Variants in IQCH observed in about 807,000 individuals in gnomAD.
IQCH encodes the protein IQ domain-containing protein H.
In IQCH, 98 loss-of-function variants were observed where a neutral mutation model predicts 117.0. The ratio of observed to expected loss-of-function variants is 0.84; its 90% CI spans 0.71 to 0.99. The LOEUF (loss-of-function observed/expected upper bound fraction) is 0.99. Among genes scored for constraint, IQCH ranks in the 50% least tolerant of loss-of-function variants. The pLI is 0.00. For missense variants in IQCH, 1,102 were observed against 1,243.8 expected, an observed-to-expected ratio of 0.89 and a Z score of 1.72; for synonymous variants, 412 against 448.2, an observed-to-expected ratio of 0.92 and a Z score of 1.02.
chr15:67,463,826 G>T lies in IQCH; in HGVS notation c.2506-1301G>T, dbSNP rs1236778673. ...TGTTTAATTGGATATGTATGTATCT[G>T]TCTTCACCTTCTTATTTTTATTTTT... On this transcript the variant is annotated intron_variant, in intron 16 of 20. Transcript: ENST00000335894. The surrounding 1 kb of genome is among the most constrained non-coding windows in gnomAD (Gnocchi z 4.0). Among the ~76,000 whole-genome samples the T allele has an allele frequency of 6.6e-6, 1 of 151,998 alleles. No individual in the cohort carries two copies. The highest frequency in any genetic ancestry group is 1.9e-4 in the East Asian group (1 of 5,204).
chr15:67,479,213 T>C lies in IQCH; in HGVS notation c.2799+3395T>C, dbSNP rs2083285282. On this transcript the variant is annotated intron_variant, in intron 18 of 20. Coordinates refer to ENST00000335894, the MANE Select transcript of IQCH (RefSeq NM_001031715.3). This position sits in a 1 kb window ranked among gnomAD's most constrained non-coding sequence, Gnocchi z 4.6. The stretch of plus-strand genomic sequence containing the variant: ...CTGAGCACTTTACTTCATTATCTCA[T>C]TTATTCTTCATGCCTGTCCTATAAG... Among the ~76,000 whole-genome samples the C allele has an allele frequency of 6.6e-6, 1 of 152,194 alleles. No individual in the cohort carries two copies.
intron 8 of IQCH, among the ~76,000 whole-genome samples, chr15:67,361,576 T>C (rs1970134522): frequency 6.6e-6 from 1 of 152,246 alleles, no homozygotes; most frequent in Non-Finnish European, 1.5e-5. Flanking sequence ...CTTTTCTCTA[T>C]TCAATATCAT....
chr15:67,305,852 G>A (rs1216774236), intron 4 of IQCH, among the ~76,000 whole-genome samples: 2 of 152,096 alleles, frequency 1.3e-5, no homozygotes, highest in East Asian at 3.9e-4. Context: ...CAGATTCTTA[G>A]TCATTAATTG....
chr15:67,367,407 CAT>C (rs918046969), intron 8 of IQCH, among the ~76,000 whole-genome samples: 39 of 152,168 alleles, frequency 2.6e-4, no homozygotes, highest in African/African-American at 8.7e-4. Flanking sequence ...GGCGTCATGA[CAT>C]GTGCCAGTAG....
In IQCH at chr15:67,279,377, C is replaced by G; in HGVS notation, c.270-18C>G. 7.6e-7 allele frequency: 1 copy of G among 1,310,630 alleles called. No homozygotes were observed. The highest frequency in any genetic ancestry group is 1.1e-6 in the Non-Finnish European group (1 of 916,642). 81.2% of individuals were successfully genotyped at this position (1,310,630 alleles called of 1,614,324 possible). ...AAAATAGCAAATTTGATTTTAAATT[C>G]CATTTCTTCTTACTTAGGTTACTTC... On this transcript the variant is annotated intron_variant, in intron 3 of 20. Transcript: ENST00000335894.
Position 67,440,038 on chromosome 15 carries a change from T to C in IQCH, c.2505+18461T>C, listed in dbSNP as rs566117536. 2.0e-5 allele frequency among the ~76,000 whole-genome samples: 3 copies of C among 151,562 alleles called. No homozygotes were observed. The South Asian group carries it at 6.3e-4, about 32-fold the overall frequency. ...TCACTAAGAAACGAAACAGGAGATATTACAACTGACACCGCAGAAAGACAA... is the reference window on the plus strand; with the variant it reads ...TCACTAAGAAACGAAACAGGAGATACTACAACTGACACCGCAGAAAGACAA... On this transcript the variant is annotated intron_variant, in intron 16 of 20. Transcript: ENST00000335894.
At chr15:67,398,000 G>T (rs1567154733) in intron 13 of IQCH, among the ~76,000 whole-genome samples, 1 of 152,084 alleles carries the variant, frequency 6.6e-6, no homozygotes, top group Non-Finnish European at 1.5e-5. Flanking sequence ...TTCACTTAAA[G>T]ATAGCACATA....
At chr15:67,296,495 A>G (rs1260028242) in intron 4 of IQCH, among the ~76,000 whole-genome samples, 3 of 152,118 alleles carry the variant, frequency 2.0e-5, no homozygotes, top group Non-Finnish European at 4.4e-5. Flanking sequence ...TTTAAAGGTG[A>G]GAGACGTATT....
intron 8 of IQCH, among the ~76,000 whole-genome samples, chr15:67,363,144 TAAAG>T: frequency 6.6e-6 from 1 of 151,154 alleles, no homozygotes; most frequent in South Asian, 2.1e-4. Flanking sequence ...CTTACCATCT[TAAAG>T]GAAGAAGAGA....
In IQCH at chr15:67,392,267, C is replaced by T. The variant is rs190898296; in HGVS notation, c.1633-3024C>T. Among the ~76,000 whole-genome samples, 4 of 152,318 alleles carry T rather than the reference C, an allele frequency of 2.6e-5. No individual in the cohort carries two copies. The East Asian group carries it at 7.7e-4, about 29-fold the overall frequency. Reference sequence around the variant, plus strand: ...ATCCTCTTCTGGGTGCCCTGAAAGGCTCACCAAGGACATCGTAACTCAAGT... The same window carrying T: ...ATCCTCTTCTGGGTGCCCTGAAAGGTTCACCAAGGACATCGTAACTCAAGT... On this transcript the variant is annotated intron_variant, in intron 12 of 20. Transcript: ENST00000335894.
Position 67,481,778 on chromosome 15 carries a change from A to T in IQCH, c.2799+5960A>T, listed in dbSNP as rs1326028227. Among the ~76,000 whole-genome samples the T allele has an allele frequency of 5.3e-5, 8 of 152,256 alleles. No homozygotes were observed. Among genetic ancestry groups the T allele is most frequent in the South Asian group, 4.1e-4 (2 of 4,830 alleles). On this transcript the variant is annotated intron_variant, in intron 18 of 20. Coordinates refer to ENST00000335894, the MANE Select transcript of IQCH (RefSeq NM_001031715.3). The surrounding 1 kb of genome is among the most constrained non-coding windows in gnomAD (Gnocchi z 4.1). ...TTGTAGCTATTGCTACTTGTAGCTG[A>T]TTGAAATCAAACAGATTAGAAACCA...
chr15:67,488,280 C>G (rs758976210), intron 18 of IQCH, among the ~76,000 whole-genome samples: 4 of 152,204 alleles, frequency 2.6e-5, no homozygotes, highest in African/African-American at 4.8e-5. Flanking sequence ...GATTGAGCCA[C>G]TGAACTCCAA....
chr15:67,383,556 A>G (rs1345248520), intron 10 of IQCH, among the ~76,000 whole-genome samples: 2 of 152,112 alleles, frequency 1.3e-5, no homozygotes, highest in Non-Finnish European at 2.9e-5. Context: ...TTCTTTAGGC[A>G]TTTTCCTGCC....
chr15:67,337,365 CATT>C (rs1968942159), intron 5 of IQCH, among the ~76,000 whole-genome samples: 1 of 152,110 alleles, frequency 6.6e-6, no homozygotes. Context: ...TTAAAATGAT[CATT>C]GTGTTTATGT....
intron 4 of IQCH, among the ~76,000 whole-genome samples, chr15:67,313,170 A>T (rs181118383): frequency 6.6e-6 from 1 of 152,134 alleles, no homozygotes; most frequent in Non-Finnish European, 1.5e-5. Context: ...AATCTTCACA[A>T]TAGCCTGAAA....
intron 17 of IQCH, among the ~76,000 whole-genome samples, chr15:67,470,924 G>A (rs1345412159): frequency 6.6e-6 from 1 of 152,154 alleles, no homozygotes; most frequent in Non-Finnish European, 1.5e-5. Context: ...TACCCAAAAT[G>A]TAGCCTATAA....
At chr15:67,262,806 G>T (rs1440226108) in intron 2 of IQCH, among the ~76,000 whole-genome samples, 1 of 152,028 alleles carries the variant, frequency 6.6e-6, no homozygotes. Flanking sequence ...GATTGCTTAA[G>T]CCTTGGAGGC....
At chr15:67,352,574 C>T (rs769347891) in intron 6 of IQCH, among the ~76,000 whole-genome samples, 14 of 151,342 alleles carry the variant, frequency 9.3e-5, no homozygotes, top group Non-Finnish European at 1.6e-4. Flanking sequence ...ATCTTGTCAG[C>T]ACATTCAATA....
At position 67,386,059 on chromosome 15, in the gene IQCH, A is replaced by G. The variant is rs989211166; in HGVS notation, c.1456+1040A>G. Reference sequence around the variant, plus strand: ...AATTGCTTTAATCTATTATCTAGGCACTCAGATTGTTTTTCAGCATTACAA... The same window carrying G: ...AATTGCTTTAATCTATTATCTAGGCGCTCAGATTGTTTTTCAGCATTACAA... On this transcript the variant is annotated intron_variant, in intron 11 of 20. Coordinates refer to ENST00000335894, the MANE Select transcript of IQCH (RefSeq NM_001031715.3). This position sits in a 1 kb window ranked among gnomAD's most constrained non-coding sequence, Gnocchi z 5.0. 1.1e-4 allele frequency among the ~76,000 whole-genome samples: 17 copies of G among 152,276 alleles called. No homozygotes were observed. The highest frequency in any genetic ancestry group is 4.1e-4 in the African/African-American group (17 of 41,566).
Sources: gnomAD v4.1 joint callset for allele counts (sites outside exome capture counted in the v4.1 genomes callset) on GRCh38, gnomAD v4.1.1 for gene constraint, Gnocchi (gnomAD v3.1) non-coding constraint, MANE v1.5 for transcripts, NCBI Gene and HGNC (gene_info 2026-07-23, HGNC 2026-07-21) for gene names.